THSD7B: variants seen among roughly 807,000 people sequenced by gnomAD.
The protein encoded by THSD7B is thrombospondin type-1 domain-containing protein 7B.
THSD7B carries 138 observed loss-of-function variants against 213.6 expected under a neutral mutation model. The ratio of observed to expected loss-of-function variants is 0.65; its 90% CI spans 0.56 to 0.74. The LOEUF (loss-of-function observed/expected upper bound fraction) is 0.74, where lower values mean the gene tolerates loss of function less well. Ranked by LOEUF, THSD7B falls within the 30% of genes least tolerant of loss-of-function variation. The probability of loss-of-function intolerance (pLI) is 0.00; values close to 1 mark genes in which losing one functional copy is unlikely to be tolerated. For synonymous variants in THSD7B, 742 were observed against 687.0 expected (o/e 1.08, Z -1.25); for missense variants, 1,931 against 1,991.5 (o/e 0.97, Z 0.58).
chr2:136,887,722 A>T (rs1445437984), intron 2 of THSD7B, among the ~76,000 whole-genome samples: 1 of 152,056 alleles, frequency 6.6e-6, no homozygotes, highest in Admixed American at 6.6e-5. Flanking sequence ...GCCAAATTAA[A>T]CATTTTCTTT....
intron 1 of THSD7B, among the ~76,000 whole-genome samples, chr2:136,840,418 C>A (rs78079091): frequency 6.2e-4 from 95 of 152,060 alleles, no homozygotes; most frequent in African/African-American, 2.2e-3. Context: ...AGAAAGAAAT[C>A]GCCAGTTCTC....
intron 3 of THSD7B, among the ~76,000 whole-genome samples, chr2:137,071,515 C>T (rs1008184570): frequency 2.0e-5 from 3 of 152,162 alleles, no homozygotes; most frequent in Non-Finnish European, 4.4e-5. Flanking sequence ...GTTGCCTGTT[C>T]ACTCTGATGG....
intron 15 of THSD7B, among the ~76,000 whole-genome samples, chr2:137,545,461 C>G (rs1353296797): frequency 6.6e-6 from 1 of 151,774 alleles, no homozygotes; most frequent in Non-Finnish European, 1.5e-5. Context: ...TAAAGGATCA[C>G]TTCACCCATC....
chr2:137,580,159 T>A (rs1681544333), intron 17 of THSD7B, among the ~76,000 whole-genome samples: 1 of 152,190 alleles, frequency 6.6e-6, no homozygotes, highest in African/African-American at 2.4e-5. Context: ...AAATTTCAAA[T>A]GAATATTCCT....
At chr2:137,041,581 A>T (rs1339499090) in intron 2 of THSD7B, among the ~76,000 whole-genome samples, 1 of 150,328 alleles carries the variant, frequency 6.7e-6, no homozygotes, top group Non-Finnish European at 1.5e-5. Context: ...AACAAAAACT[A>T]CATCGTACGT....
chr2:137,308,429 A>G (rs1303244539), intron 12 of THSD7B, among the ~76,000 whole-genome samples: 1 of 152,044 alleles, frequency 6.6e-6, no homozygotes, highest in Non-Finnish European at 1.5e-5. Context: ...TAAGTGACGG[A>G]GTACCATGAT....
At chr2:136,811,463 T>G (rs1346730) in intron 1 of THSD7B, among the ~76,000 whole-genome samples, 89,591 of 151,892 alleles carry the variant, frequency 0.59, 26,705 homozygotes, top group East Asian at 0.72. Flanking sequence ...ATCAAGATCA[T>G]AGACCATGGG....
In THSD7B at chr2:137,558,550, G is replaced by A. The variant is rs13005207; in HGVS notation, c.3139-4671G>A. Reference sequence around the variant, plus strand: ...AAAAACTCTCAATAAACTAGATATTGATGGAAAGTATCTCAAAATACTAAG... The same window carrying A: ...AAAAACTCTCAATAAACTAGATATTAATGGAAAGTATCTCAAAATACTAAG... On this transcript the variant is annotated intron_variant, in intron 15 of 27. Transcript: ENST00000409968. Among the ~76,000 whole-genome samples the A allele has an allele frequency of 6.0e-3, 919 of 152,272 alleles. 4 individuals are homozygous for A. The highest frequency in any genetic ancestry group is 0.011 in the Non-Finnish European group (728 of 68,024).
At chr2:137,092,643 C>CT (rs1260397183) in intron 3 of THSD7B, among the ~76,000 whole-genome samples, 1 of 151,910 alleles carries the variant, frequency 6.6e-6, no homozygotes, top group African/African-American at 2.4e-5. Context: ...AAGACTTCTT[C>CT]TTTTTTTGTT....
chr2:137,097,637 A>G (rs1044159707), intron 4 of THSD7B, among the ~76,000 whole-genome samples: 2 of 152,094 alleles, frequency 1.3e-5, no homozygotes, highest in East Asian at 1.9e-4. Flanking sequence ...ATAATTCAGG[A>G]TGTACCCAAG....
At chr2:137,365,718 A>G (rs891027404) in intron 12 of THSD7B, among the ~76,000 whole-genome samples, 23 of 152,282 alleles carry the variant, frequency 1.5e-4, no homozygotes, top group African/African-American at 3.8e-4. Context: ...TTAGAATGGC[A>G]ATCATTAAAA....
At chr2:137,613,378 A>G (rs985838908) in intron 17 of THSD7B, among the ~76,000 whole-genome samples, 1 of 152,178 alleles carries the variant, frequency 6.6e-6, no homozygotes, top group Admixed American at 6.6e-5. Flanking sequence ...AAAGCACATC[A>G]TCTTGAGCGA....
At chr2:137,564,198 G>GTCTAAA (rs569537273) in intron 16 of THSD7B, among the ~76,000 whole-genome samples, 306 of 152,280 alleles carry the variant, frequency 2.0e-3, no homozygotes, top group African/African-American at 6.9e-3. Flanking sequence ...TCTAAATCAG[G>GTCTAAA]TAGCTGCCTA....
At chr2:137,541,256 A>G (rs1680604355) in intron 15 of THSD7B, among the ~76,000 whole-genome samples, 1 of 151,706 alleles carries the variant, frequency 6.6e-6, no homozygotes, top group South Asian at 2.1e-4. Flanking sequence ...GGACTGCCAT[A>G]TTATATTATT....
At chr2:137,280,041 T>C (rs1682970388) in intron 12 of THSD7B, among the ~76,000 whole-genome samples, 2 of 152,188 alleles carry the variant, frequency 1.3e-5, no homozygotes, top group Non-Finnish European at 2.9e-5. Flanking sequence ...TGTTTTAGAA[T>C]TGCAAGTTGT....
intron 7 of THSD7B, among the ~76,000 whole-genome samples, chr2:137,212,736 A>G (rs79770970): frequency 0.11 from 16,375 of 152,030 alleles, 1,144 homozygotes; most frequent in Middle Eastern, 0.16. Context: ...ATCAGCCATG[A>G]AAATATAAGA....
At chr2:136,818,090 AT>A (rs1328658958) in intron 1 of THSD7B, among the ~76,000 whole-genome samples, 2 of 147,774 alleles carry the variant, frequency 1.4e-5, no homozygotes, top group Non-Finnish European at 3.0e-5. Context: ...ATAAAGACAC[AT>A]GCACACGTAT....
rs75241942 is a variant in THSD7B at position 137,598,695 on chromosome 2, C to T, written c.3424-17480C>T. Among the ~76,000 whole-genome samples the T allele has an allele frequency of 6.0e-3, 907 of 152,254 alleles. 9 individuals are homozygous for T. The highest frequency in any genetic ancestry group is 0.021 in the African/African-American group (863 of 41,530). On this transcript the variant is annotated intron_variant, in intron 17 of 27. Coordinates refer to ENST00000409968, the MANE Select transcript of THSD7B (RefSeq NM_001316349.2). ...TCCTGATATTGTTAATGTGTTAGAA[C>T]AGTTGTACCATAAATCACTTGAATA...
At chr2:137,316,829 A>G (rs1684121829) in intron 12 of THSD7B, among the ~76,000 whole-genome samples, 1 of 151,672 alleles carries the variant, frequency 6.6e-6, no homozygotes, top group African/African-American at 2.4e-5. Context: ...TTTGATGGGG[A>G]GAGGATGGGG....
Sources: allele counts gnomAD v4.1 joint callset (sites outside exome capture counted in the v4.1 genomes callset), GRCh38; gene constraint gnomAD v4.1.1; transcripts MANE v1.5; gene names NCBI Gene and HGNC (gene_info 2026-07-23, HGNC 2026-07-21).